TBXAS1: variants seen among roughly 807,000 people sequenced by gnomAD.
TBXAS1 encodes the protein thromboxane A synthase 1, also known as thromboxane-A synthase.
In TBXAS1, 48 loss-of-function variants were observed where a neutral mutation model predicts 60.7. That is an observed-to-expected ratio of 0.79 (90% CI 0.63 to 1.01). TBXAS1 has a LOEUF of 1.01. Among genes scored for constraint, TBXAS1 ranks in the 50% least tolerant of loss-of-function variants. The probability of loss-of-function intolerance (pLI) is 0.00; values close to 1 mark genes in which losing one functional copy is unlikely to be tolerated. For synonymous variants in TBXAS1, 287 were observed against 269.7 expected, an observed-to-expected ratio of 1.06 and a Z score of -0.63; for missense variants, 685 against 686.3, an observed-to-expected ratio of 1.00 and a Z score of 0.02.
chr7:139,811,984 G>A (rs1798031835), intron 4 of TBXAS1, among the ~76,000 whole-genome samples: 1 of 152,176 alleles, frequency 6.6e-6, no homozygotes. Context: ...CATAAATCCG[G>A]GCCTCAATGT....
chr7:139,786,695 A>C (rs1483032522), intron 3 of TBXAS1, among the ~76,000 whole-genome samples: 1 of 152,212 alleles, frequency 6.6e-6, no homozygotes, highest in African/African-American at 2.4e-5. Context: ...CTGCCCAAGA[A>C]AGTAAATTAT....
chr7:139,912,088 G>A (rs1306668171), intron 4 of TBXAS1, among the ~76,000 whole-genome samples: 1 of 152,008 alleles, frequency 6.6e-6, no homozygotes, highest in Non-Finnish European at 1.5e-5. Context: ...AAATTAGCCG[G>A]GTGTGGTGGC....
chr7:139,955,629 G>C (rs753383760), intron 7 of TBXAS1, 22 bp downstream of exon 7: 2 of 1,613,496 alleles, frequency 1.2e-6, no homozygotes, highest in South Asian at 2.2e-5. Context: ...TGCAGCCCGG[G>C]GCGCTGCGAT....
intron 4 of TBXAS1, among the ~76,000 whole-genome samples, chr7:139,815,504 T>C (rs938707601): frequency 2.6e-5 from 4 of 152,232 alleles, no homozygotes; most frequent in African/African-American, 4.8e-5. Context: ...ACCACCCAAC[T>C]GTTTTCTTAT....
intron 1 of TBXAS1, among the ~76,000 whole-genome samples, chr7:139,838,579 G>A (rs1438995058): frequency 6.6e-6 from 1 of 152,102 alleles, no homozygotes; most frequent in Non-Finnish European, 1.5e-5. Context: ...TTCTTATCCT[G>A]TAGAGCAGAC....
At chr7:139,853,271 CAG>C (rs1335372796) in intron 1 of TBXAS1, among the ~76,000 whole-genome samples, 2 of 141,986 alleles carry the variant, frequency 1.4e-5, no homozygotes, top group Non-Finnish European at 3.0e-5. Flanking sequence ...CTTGAACAAA[CAG>C]GGGCTTTTCG....
At chr7:139,858,904 C>T (rs1331362430) in intron 1 of TBXAS1, among the ~76,000 whole-genome samples, 2 of 151,994 alleles carry the variant, frequency 1.3e-5, no homozygotes, top group Middle Eastern at 3.2e-3. Context: ...GTTTTGCTCT[C>T]GTTGCCCAGG....
chr7:139,793,651 G>A (rs1003084716), intron 4 of TBXAS1, among the ~76,000 whole-genome samples: 11 of 152,200 alleles, frequency 7.2e-5, no homozygotes, highest in Non-Finnish European at 1.6e-4. Context: ...AAGCTTACAT[G>A]TTGAGCCAGG....
At chr7:139,912,676 C>G (rs1805623764) in intron 4 of TBXAS1, among the ~76,000 whole-genome samples, 1 of 152,096 alleles carries the variant, frequency 6.6e-6, no homozygotes, top group East Asian at 1.9e-4. Flanking sequence ...GGAGCCCAGG[C>G]CACCAGGATG....
At position 139,944,401 on chromosome 7, in the gene TBXAS1, T is replaced by C. The variant is rs1183335646; in HGVS notation, c.450+8094T>C. Among the ~76,000 whole-genome samples the C allele has an allele frequency of 3.3e-5, 5 of 152,246 alleles. No individual in the cohort carries two copies. The East Asian group carries it at 7.7e-4, about 23-fold the overall frequency. The stretch of plus-strand genomic sequence containing the variant: ...AGCTGAAAAAGTAGGTTGAGGCACG[T>C]ACAGTTCACTGTTCTGTGCCGAGAG... On this transcript the variant is annotated intron_variant, in intron 5 of 12. Transcript: ENST00000448866.
chr7:139,911,114 C>A, intron 3 of TBXAS1, 111 bp from the exon 4 acceptor site: 1 of 909,394 alleles, frequency 1.1e-6, no homozygotes, highest in Admixed American at 1.7e-5. Flanking sequence ...GTCTCCATAC[C>A]TTTACTTCCT....
intron 4 of TBXAS1, among the ~76,000 whole-genome samples, chr7:139,911,548 AG>A: frequency 6.6e-6 from 1 of 152,346 alleles, no homozygotes; most frequent in South Asian, 2.1e-4. Flanking sequence ...CTAAAGCTCA[AG>A]GGAAGCTGAG....
chr7:139,868,979 G>A (rs890367846), intron 1 of TBXAS1, among the ~76,000 whole-genome samples: 3 of 151,340 alleles, frequency 2.0e-5, no homozygotes, highest in African/African-American at 7.3e-5. Flanking sequence ...TTTACACTTT[G>A]TAGAGGTGAG....
chr7:139,821,393 T>G (rs1798291466), intron 4 of TBXAS1, among the ~76,000 whole-genome samples: 1 of 152,194 alleles, frequency 6.6e-6, no homozygotes, highest in African/African-American at 2.4e-5. Context: ...GTGAACAGCC[T>G]GTGATGTTAA....
At chr7:139,982,229 G>A (rs1243822761) in intron 9 of TBXAS1, among the ~76,000 whole-genome samples, 1 of 152,136 alleles carries the variant, frequency 6.6e-6, no homozygotes, top group Non-Finnish European at 1.5e-5. Flanking sequence ...TAACTGAATG[G>A]TTATATTAAT....
At chr7:139,837,640 A>G (rs1036736467) in intron 1 of TBXAS1, among the ~76,000 whole-genome samples, 1 of 152,186 alleles carries the variant, frequency 6.6e-6, no homozygotes, top group Admixed American at 6.5e-5. Context: ...GAATGATACA[A>G]TGGACTTTGG....
intron 5 of TBXAS1, among the ~76,000 whole-genome samples, chr7:139,951,950 A>AAAAAGAAAGAAAGAAAGAAAGAAAG (rs1221006411): frequency 2.4e-5 from 1 of 42,008 alleles, no homozygotes; most frequent in Non-Finnish European, 4.8e-5. Flanking sequence ...GGAAAGAAAG[A>AAAAAGAAAGAAAGAAAGAAAGAAAG]AAAGAAAGAA....
intron 4 of TBXAS1, among the ~76,000 whole-genome samples, chr7:139,794,059 A>T (rs2116326371): frequency 6.6e-6 from 1 of 151,402 alleles, no homozygotes; most frequent in Non-Finnish European, 1.5e-5. Flanking sequence ...ACGTGCATGT[A>T]TATGTGTTTG....
chr7:139,943,954 C>T (rs528568148), intron 5 of TBXAS1, among the ~76,000 whole-genome samples: 15 of 152,312 alleles, frequency 9.8e-5, no homozygotes, highest in Admixed American at 2.6e-4. Context: ...GAAAACCCTC[C>T]TCTGACATCA....
Sources: allele counts gnomAD v4.1 joint callset (sites outside exome capture counted in the v4.1 genomes callset), GRCh38; gene constraint gnomAD v4.1.1; transcripts MANE v1.5; gene names NCBI Gene and HGNC (gene_info 2026-07-23, HGNC 2026-07-21).